DYNC2I2: variants seen among roughly 807,000 people sequenced by gnomAD.
DYNC2I2 encodes the protein cytoplasmic dynein 2 intermediate chain 2.
In DYNC2I2, 39 loss-of-function variants were observed where a neutral mutation model predicts 52.0. The observed-to-expected ratio is 0.75, with a 90% confidence interval of 0.58 to 0.98. DYNC2I2 has a LOEUF of 0.98. Among genes scored for constraint, DYNC2I2 ranks in the 50% least tolerant of loss-of-function variants. DYNC2I2 has a pLI of 0.00. For missense variants in DYNC2I2, 743 were observed against 728.4 expected, an observed-to-expected ratio of 1.02 and a Z score of -0.23; for synonymous variants, 359 against 321.1, an observed-to-expected ratio of 1.12 and a Z score of -1.26.
chr9:128,665,754 AGT>A, the DYNC2I2 span, among the ~76,000 whole-genome samples: 4 of 128,890 alleles, frequency 3.1e-5, no homozygotes, highest in Admixed American at 1.9e-4. Flanking sequence ...TGGGCGACAG[AGT>A]GAGACTCTGT....
At chr9:128,668,271 T>C in the DYNC2I2 span, among the ~76,000 whole-genome samples, 3 of 139,830 alleles carry the variant, frequency 2.1e-5, no homozygotes, top group Non-Finnish European at 5.0e-5. Flanking sequence ...TCTCGATCTC[T>C]TGACCTTGTA....
chr9:128,635,492 GC>G, intron 5 of DYNC2I2, 165 bp downstream of exon 5: 1 of 793,906 alleles, frequency 1.3e-6, no homozygotes. Context: ...TGGCCACAGG[GC>G]CCTGGGAGTG....
chr9:128,636,226 A>G, intron 4 of DYNC2I2, 55 bp downstream of exon 4: 1 of 1,550,842 alleles, frequency 6.4e-7, no homozygotes, highest in Non-Finnish European at 8.7e-7. Flanking sequence ...TGCCCTCTGC[A>G]GGGCGGGAAG....
chr9:128,654,219 G>A (rs1860774125), intron 1 of DYNC2I2, among the ~76,000 whole-genome samples: 1 of 152,104 alleles, frequency 6.6e-6, no homozygotes, highest in Non-Finnish European at 1.5e-5. Flanking sequence ...CCTGGCTTCA[G>A]CTGGGCAGAC....
intron 1 of DYNC2I2, among the ~76,000 whole-genome samples, chr9:128,655,584 G>T (rs1439231073): frequency 6.7e-6 from 1 of 149,290 alleles, no homozygotes; most frequent in Non-Finnish European, 1.5e-5. Context: ...CTCCAGCCTG[G>T]GCGACAGAGT....
the DYNC2I2 span, among the ~76,000 whole-genome samples, chr9:128,668,548 C>T: frequency 7.3e-5 from 11 of 149,712 alleles, no homozygotes; most frequent in African/African-American, 1.5e-4. Context: ...AAAGGCTGGG[C>T]GCAGTGGCTC....
At chr9:128,659,106 C>G (rs1254829573), upstream of DYNC2I2, among the ~76,000 whole-genome samples, 1 of 151,912 alleles carries the variant, frequency 6.6e-6, no homozygotes, top group Non-Finnish European at 1.5e-5. Context: ...CCTCTCTCCA[C>G]CCCATGGCCT....
rs753727336 is a variant in DYNC2I2 at position 128,634,913 on chromosome 9, G to A, written c.990C>T (p.Arg330=). Residue 330 remains arginine, a synonymous_variant, in exon 7 of 9, where the codon CGC becomes CGT. Coordinates refer to ENST00000372715, the MANE Select transcript of DYNC2I2 (RefSeq NM_052844.4). ...CCGTGGCGCCCACCTCGGTCTCCCC[G>A]CGGGGATGCTGTGGAGAAATGGCAG... The part of the protein sequence containing the change: ...PRSTKLKKHP[R]GETEVGATAV... 1.2e-5 allele frequency: 19 copies of A among 1,612,120 alleles called. No individual in the cohort carries two copies. Among genetic ancestry groups the A allele is most frequent in the African/African-American group, 4.0e-5 (3 of 74,920 alleles).
chr9:128,635,347 G>C, intron 5 of DYNC2I2, 88 bp from the exon 6 acceptor site: 1 of 1,169,426 alleles, frequency 8.6e-7, no homozygotes, highest in Non-Finnish European at 1.1e-6. Flanking sequence ...TCTCTTCCAG[G>C]AAAAAAAAAA....
chr9:128,677,704 G>A, the DYNC2I2 span, among the ~76,000 whole-genome samples: 1 of 152,102 alleles, frequency 6.6e-6, no homozygotes, highest in Middle Eastern at 3.4e-3. Flanking sequence ...CTACTCGCAA[G>A]GCTGAGACAG....
At chr9:128,683,963 G>C in the DYNC2I2 span, 13 of 1,557,044 alleles carry the variant, frequency 8.3e-6, no homozygotes, top group Non-Finnish European at 1.1e-5. Context: ...CCTGCTCTGG[G>C]ACCGGAGGAG....
At chr9:128,681,598 C>G in the DYNC2I2 span, among the ~76,000 whole-genome samples, 2 of 152,176 alleles carry the variant, frequency 1.3e-5, no homozygotes, top group African/African-American at 4.8e-5. Flanking sequence ...AGTACCATTG[C>G]TCGGTCACAA....
At chr9:128,661,691 C>G (rs1315474126), upstream of DYNC2I2, among the ~76,000 whole-genome samples, 3 of 151,474 alleles carry the variant, frequency 2.0e-5, no homozygotes, top group Admixed American at 6.6e-5. Flanking sequence ...TTGGAGGCTC[C>G]CATGCATCAG....
the DYNC2I2 span, among the ~76,000 whole-genome samples, chr9:128,679,018 G>A: frequency 6.6e-6 from 1 of 152,048 alleles, no homozygotes; most frequent in East Asian, 2.0e-4. Flanking sequence ...GCAGTGAGCC[G>A]AGATTGCGTC....
chr9:128,647,628 A>G (rs10124799), intron 1 of DYNC2I2, among the ~76,000 whole-genome samples: 19,050 of 151,200 alleles, frequency 0.13, 2,085 homozygotes, highest in African/African-American at 0.29. Context: ...CCAGCTACTC[A>G]GGAGGCTGAG....
intron 1 of DYNC2I2, among the ~76,000 whole-genome samples, chr9:128,646,206 G>C (rs987713185): frequency 1.3e-5 from 2 of 152,110 alleles, no homozygotes; most frequent in African/African-American, 4.8e-5. Context: ...TTTTCTTTTT[G>C]TTGTTGTTTT....
At chr9:128,677,309 C>T in the DYNC2I2 span, among the ~76,000 whole-genome samples, 1 of 151,754 alleles carries the variant, frequency 6.6e-6, no homozygotes. Flanking sequence ...CATAGTGAAA[C>T]TCCATCTCTA....
At chr9:128,679,847 T>C in the DYNC2I2 span, among the ~76,000 whole-genome samples, 5 of 152,026 alleles carry the variant, frequency 3.3e-5, no homozygotes, top group South Asian at 8.3e-4. Context: ...AGACCCTATC[T>C]CAAAAAATAG....
upstream of DYNC2I2, among the ~76,000 whole-genome samples, chr9:128,659,178 C>T (rs1358809418): frequency 6.6e-6 from 1 of 151,934 alleles, no homozygotes; most frequent in Non-Finnish European, 1.5e-5. Flanking sequence ...TAGAAAGGCC[C>T]TTCCTCAAAT....
Sources: gnomAD v4.1 joint callset for allele counts (sites outside exome capture counted in the v4.1 genomes callset) on GRCh38, gnomAD v4.1.1 for gene constraint, MANE v1.5 for transcripts, NCBI Gene and HGNC (gene_info 2026-07-23, HGNC 2026-07-21) for gene names.